The following SSH2 variants were observed in gnomAD, a reference collection of about 807,000 sequenced individuals.
SSH2 encodes slingshot protein phosphatase 2, also known as protein phosphatase Slingshot homolog 2.
SSH2 carries 37 observed loss-of-function variants against 135.2 expected under a neutral mutation model. That is an observed-to-expected ratio of 0.27 (90% confidence interval 0.21 to 0.36). SSH2 has a LOEUF of 0.36. Ranked by LOEUF, SSH2 falls within the 10% of genes least tolerant of loss-of-function variation. The pLI is 1.00. For missense variants in SSH2, 1,408 were observed against 1,765.3 expected, an observed-to-expected ratio of 0.80 and a Z score of 3.63; for synonymous variants, 628 against 646.2, an observed-to-expected ratio of 0.97 and a Z score of 0.43.
intron 1 of SSH2, among the ~76,000 whole-genome samples, chr17:29,874,708 T>C (rs943659555): frequency 6.6e-6 from 1 of 152,172 alleles, no homozygotes; most frequent in African/African-American, 2.4e-5. Flanking sequence ...TACCTAGTCT[T>C]GGGTATGACC....
rs561548621 is a variant in SSH2 at position 29,806,446 on chromosome 17, C to A, written c.145-12509G>T. 6.6e-5 allele frequency among the ~76,000 whole-genome samples: 10 copies of A among 152,336 alleles called. No homozygotes were observed. The East Asian group carries it at 1.7e-3, about 26-fold the overall frequency. On this transcript the variant is annotated intron_variant, in intron 2 of 15. Transcript: ENST00000540801. ...GGAATGCTCCAGATTCTGCTCCCTT[C>A]CATTCAGGTGAAATTCCAGATCCCA...
In SSH2 at chr17:29,632,238, C is replaced by A. The variant is rs746809094; in HGVS notation, c.2956G>T (p.Val986Leu). ...TCTGGCAAGTGGTCAAACTCCAGCA[C>A]CCTGGGAGCTGGAACAGTGGCATTC... ...EQNATVPAPR[V>L]LEFDHLPDPQ... The change falls in exon 16 of 16, where the codon GTG becomes TTG. Residue 986 changes from valine (V) to leucine (L), a missense_variant. Val to Leu is a conservative substitution (Grantham distance 32). Around this residue, in one of 3 missense-constraint regions of SSH2, gnomAD observed 1,080 missense variants for 1,144.5 expected, o/e 0.94. Transcript: ENST00000540801. 9 of 1,613,884 alleles carry A rather than the reference C, an allele frequency of 5.6e-6. No homozygotes were observed. Among genetic ancestry groups the A allele is most frequent in the Non-Finnish European group, 8.5e-7 (1 of 1,179,982 alleles).
intron 3 of SSH2, among the ~76,000 whole-genome samples, chr17:29,768,258 A>G (rs1175482566): frequency 6.6e-6 from 1 of 151,954 alleles, no homozygotes; most frequent in Non-Finnish European, 1.5e-5. Context: ...TTTTCCAAAG[A>G]ACTACTTAGA....
At chr17:29,900,961 G>A (rs1265907263) in intron 1 of SSH2, among the ~76,000 whole-genome samples, 1 of 152,094 alleles carries the variant, frequency 6.6e-6, no homozygotes, top group African/African-American at 2.4e-5. Context: ...AAAAAATGAT[G>A]AGTTCATGTC....
At chr17:29,815,814 C>G (rs997678272) in intron 2 of SSH2, among the ~76,000 whole-genome samples, 4 of 152,102 alleles carry the variant, frequency 2.6e-5, no homozygotes, top group Admixed American at 6.6e-5. Flanking sequence ...TATTCAATGT[C>G]CTTTTTCTCT....
chr17:29,694,639 A>C (rs1316890684), intron 5 of SSH2, among the ~76,000 whole-genome samples: 1 of 152,210 alleles, frequency 6.6e-6, no homozygotes, highest in Non-Finnish European at 1.5e-5. Flanking sequence ...ACTGCACTCC[A>C]GCCTGGGCAA....
intron 1 of SSH2, among the ~76,000 whole-genome samples, chr17:29,891,789 A>G (rs1402193040): frequency 6.6e-6 from 1 of 152,180 alleles, no homozygotes; most frequent in Non-Finnish European, 1.5e-5. Context: ...AGGTCTCAGT[A>G]CAGACCACAC....
rs111277103 is a variant in SSH2, at chr17:29,626,282, GAA to G, written c.*4557_*4558del. The G allele has an allele frequency of 2.4e-4, 22 of 91,730 alleles. No individual in the cohort carries two copies. Among genetic ancestry groups the G allele is most frequent in the Admixed American group, 4.4e-4 (4 of 9,072 alleles). The allele number at this position is 91,730 out of a possible 1,614,324, so 5.7% of individuals were successfully genotyped here. On this transcript the variant is annotated 3_prime_UTR_variant, in exon 16 of 16. Coordinates refer to ENST00000540801, the MANE Select transcript of SSH2 (RefSeq NM_001282129.2). Reference sequence around the variant, plus strand: ...CAAGTCCTACAAAACAAAGCAGAAAGAAAAAAAAAAAAAAAGAAAAGTAAAGG... The same window carrying G: ...CAAGTCCTACAAAACAAAGCAGAAAGAAAAAAAAAAAAAGAAAAGTAAAGG...
intron 1 of SSH2, among the ~76,000 whole-genome samples, chr17:29,872,438 T>C (rs2065953304): frequency 6.6e-6 from 1 of 151,992 alleles, no homozygotes; most frequent in Non-Finnish European, 1.5e-5. Flanking sequence ...AAAGGTTAAG[T>C]GGGTACAGGA....
chr17:29,732,050 A>G (rs1791569335), intron 3 of SSH2, among the ~76,000 whole-genome samples: 1 of 152,210 alleles, frequency 6.6e-6, no homozygotes, highest in South Asian at 2.1e-4. Flanking sequence ...AGAGGGTAAA[A>G]GACAGCTGCC....
intron 1 of SSH2, among the ~76,000 whole-genome samples, chr17:29,898,809 C>T (rs1008622658): frequency 3.9e-5 from 6 of 152,078 alleles, no homozygotes; most frequent in African/African-American, 1.2e-4. Context: ...ATACCAAAGC[C>T]GGGCAGAGAC....
chr17:29,890,686 T>G (rs945279315), intron 1 of SSH2, among the ~76,000 whole-genome samples: 1 of 152,170 alleles, frequency 6.6e-6, no homozygotes, highest in African/African-American at 2.4e-5. Context: ...TGATGAAAAT[T>G]TTCAAAAACT....
chr17:29,876,492 G>A lies in SSH2; in HGVS notation c.64-27563C>T, dbSNP rs531803669. 3.3e-5 allele frequency among the ~76,000 whole-genome samples: 5 copies of A among 151,958 alleles called. No individual in the cohort carries two copies. In the East Asian group the frequency reaches 9.8e-4, roughly 30 times the overall value. ...GTTTGCATATATTTTCTTCCATTTT[G>A]TGGGTTGTCTCTTCACTTTGTTGAT... On this transcript the variant is annotated intron_variant, in intron 1 of 15. Transcript: ENST00000540801.
intron 11 of SSH2, among the ~76,000 whole-genome samples, chr17:29,659,794 C>T (rs937539349): frequency 6.6e-6 from 1 of 152,010 alleles, no homozygotes; most frequent in African/African-American, 2.4e-5. Context: ...TCCCAAAGTG[C>T]TGGGATTACA....
chr17:29,749,722 CTTA>C (rs1016491121), intron 3 of SSH2, among the ~76,000 whole-genome samples: 27 of 151,976 alleles, frequency 1.8e-4, no homozygotes, highest in African/African-American at 6.5e-4. Context: ...ATTTTAAAAA[CTTA>C]TTTTTTCTTG....
chr17:29,722,775 G>GCA, intron 3 of SSH2, among the ~76,000 whole-genome samples: 1 of 152,332 alleles, frequency 6.6e-6, no homozygotes. Flanking sequence ...ACAGAGTCAA[G>GCA]CACACAGATG....
chr17:29,659,935 A>G (rs1475290762), intron 11 of SSH2, among the ~76,000 whole-genome samples: 1 of 152,036 alleles, frequency 6.6e-6, no homozygotes, highest in African/African-American at 2.4e-5. Flanking sequence ...GGTTCAAGTG[A>G]TTCTTCTGCC....
At chr17:29,861,140 CA>C (rs1483338546) in intron 1 of SSH2, among the ~76,000 whole-genome samples, 2 of 152,112 alleles carry the variant, frequency 1.3e-5, no homozygotes, top group Non-Finnish European at 2.9e-5. Flanking sequence ...CTGTCAGATG[CA>C]TAGTTTGTAA....
At chr17:29,694,724 A>G (rs2038651813) in intron 5 of SSH2, among the ~76,000 whole-genome samples, 1 of 152,142 alleles carries the variant, frequency 6.6e-6, no homozygotes, top group African/African-American at 2.4e-5. Context: ...TAACTTTAAA[A>G]TTCTGGCTTA....
Sources: gnomAD v4.1 joint callset for allele counts (sites outside exome capture counted in the v4.1 genomes callset) on GRCh38, gnomAD v4.1.1 for gene constraint, gnomAD v4.1.1 regional missense constraint, MANE v1.5 for transcripts, NCBI Gene and HGNC (gene_info 2026-07-23, HGNC 2026-07-21) for gene names.